The following DDR2 variants were observed in gnomAD, a reference collection of about 807,000 sequenced individuals.
The protein encoded by DDR2 is discoidin domain receptor tyrosine kinase 2.
A neutral mutation model predicts 94.9 loss-of-function variants in DDR2; 27 were observed. That is an observed-to-expected ratio of 0.28 (90% CI 0.21 to 0.39). The LOEUF (loss-of-function observed/expected upper bound fraction) is 0.39. Among genes scored for constraint, DDR2 ranks in the 10% least tolerant of loss-of-function variants. DDR2 has a pLI of 1.00. For synonymous variants in DDR2, 382 were observed against 377.2 expected, an observed-to-expected ratio of 1.01 and a Z score of -0.15; for missense variants, 783 against 1,076.0, an observed-to-expected ratio of 0.73 and a Z score of 3.81.
chr1:162,765,912 T>G, intron 9 of DDR2, 89 bp from the exon 10 acceptor site: 1 of 1,159,626 alleles, frequency 8.6e-7, no homozygotes. Context: ...AAATTGATCT[T>G]GTAATGTGCT....
At chr1:162,759,674 A>G in intron 7 of DDR2, 122 bp from the exon 8 acceptor site, 2 of 1,130,574 alleles carry the variant, frequency 1.8e-6, no homozygotes, top group South Asian at 1.4e-5. Context: ...CAATCCTTCA[A>G]TTCCAAGATA....
chr1:162,736,996 A>G (rs564224053), intron 3 of DDR2, among the ~76,000 whole-genome samples: 1 of 152,280 alleles, frequency 6.6e-6, no homozygotes, highest in South Asian at 2.1e-4. Context: ...TGAACAGAAG[A>G]GTTTCATGAT....
intron 2 of DDR2, among the ~76,000 whole-genome samples, chr1:162,678,002 C>T (rs1659220882): frequency 6.6e-6 from 1 of 151,852 alleles, no homozygotes; most frequent in African/African-American, 2.4e-5. Context: ...AGAATTTGGG[C>T]AACTTGTAGG....
intron 10 of DDR2, among the ~76,000 whole-genome samples, 170 bp downstream of exon 10, chr1:162,766,233 A>G (rs1663982320): frequency 6.6e-6 from 1 of 152,132 alleles, no homozygotes; most frequent in Non-Finnish European, 1.5e-5. Context: ...TATGGATCCA[A>G]ATATACTCTC....
At chr1:162,750,401 C>T (rs1663125838) in intron 3 of DDR2, among the ~76,000 whole-genome samples, 1 of 152,116 alleles carries the variant, frequency 6.6e-6, no homozygotes, top group South Asian at 2.1e-4. Context: ...ACAATTGCTT[C>T]AAAGAGAATA....
chr1:162,706,880 C>A (rs78867170), intron 2 of DDR2, among the ~76,000 whole-genome samples: 1 of 152,096 alleles, frequency 6.6e-6, no homozygotes, highest in African/African-American at 2.4e-5. Context: ...AGAGAATGTC[C>A]GGCCAGCAAT....
rs188261305 is a variant in DDR2, at chr1:162,705,731, G to T, written c.-27-13306G>T. Among the ~76,000 whole-genome samples the T allele has an allele frequency of 1.3e-5, 2 of 152,250 alleles. 1 individual carries two copies. The highest frequency in any genetic ancestry group is 3.9e-4 in the East Asian group (2 of 5,158). ...CCTGGGGTGATGAGTGGCAGATCTG[G>T]GACTAGAACTCAGGCCCAGAGGCCA... On this transcript the variant is annotated intron_variant, in intron 2 of 17. Transcript: ENST00000367921.
At chr1:162,705,786 T>C (rs1660633584) in intron 2 of DDR2, among the ~76,000 whole-genome samples, 1 of 152,210 alleles carries the variant, frequency 6.6e-6, no homozygotes. Flanking sequence ...AGTTTCTGCT[T>C]CTGTTCTCTT....
intron 2 of DDR2, among the ~76,000 whole-genome samples, chr1:162,664,954 A>G (rs1658478043): frequency 6.6e-6 from 1 of 152,216 alleles, no homozygotes; most frequent in Non-Finnish European, 1.5e-5. Context: ...TCCTGGGGAT[A>G]AAAAATGGTA....
intron 3 of DDR2, among the ~76,000 whole-genome samples, chr1:162,740,879 G>A (rs1662552983): frequency 6.6e-6 from 1 of 152,152 alleles, no homozygotes; most frequent in African/African-American, 2.4e-5. Context: ...AGAGAGAGAA[G>A]ACACTAGAGA....
At chr1:162,644,798 G>C (rs1242439426) in intron 1 of DDR2, among the ~76,000 whole-genome samples, 1 of 152,060 alleles carries the variant, frequency 6.6e-6, no homozygotes, top group Non-Finnish European at 1.5e-5. Flanking sequence ...GTTTCACTCT[G>C]TTGGCCAGGC....
At chr1:162,740,537 C>G (rs931571252) in intron 3 of DDR2, among the ~76,000 whole-genome samples, 1 of 152,206 alleles carries the variant, frequency 6.6e-6, no homozygotes, top group African/African-American at 2.4e-5. Context: ...ACTCAGGTCT[C>G]TGCTCCGAGT....
chr1:162,695,127 G>A (rs1660128889), intron 2 of DDR2, among the ~76,000 whole-genome samples: 1 of 152,194 alleles, frequency 6.6e-6, no homozygotes, highest in Non-Finnish European at 1.5e-5. Context: ...TTTTTGATGT[G>A]CTAGGTGGAC....
At chr1:162,775,963 G>T in intron 15 of DDR2, 120 bp downstream of exon 15, 1 of 1,433,378 alleles carries the variant, frequency 7.0e-7, no homozygotes, top group South Asian at 1.2e-5. Flanking sequence ...GGAAGTCAGT[G>T]TGCAGGGAAT....
chr1:162,676,858 A>G (rs1351085750), intron 2 of DDR2, among the ~76,000 whole-genome samples: 2 of 152,228 alleles, frequency 1.3e-5, no homozygotes, highest in African/African-American at 2.4e-5. Context: ...ACAGGAACTC[A>G]AAGCCTGGGC....
intron 3 of DDR2, among the ~76,000 whole-genome samples, chr1:162,723,541 G>A (rs1401767900): frequency 1.3e-5 from 2 of 152,160 alleles, no homozygotes; most frequent in African/African-American, 4.8e-5. Context: ...GTAGGAGGAT[G>A]AATAGAACTA....
intron 2 of DDR2, among the ~76,000 whole-genome samples, chr1:162,696,445 G>C (rs1660195742): frequency 6.6e-6 from 1 of 151,740 alleles, no homozygotes; most frequent in African/African-American, 2.4e-5. Flanking sequence ...CTGGCTGAGG[G>C]TGTGTTTGTT....
At chr1:162,640,476 A>G (rs911460508) in intron 1 of DDR2, among the ~76,000 whole-genome samples, 2 of 152,184 alleles carry the variant, frequency 1.3e-5, no homozygotes, top group Admixed American at 6.5e-5. Flanking sequence ...TATGGGAACA[A>G]TCTGTACTTT....
intron 2 of DDR2, among the ~76,000 whole-genome samples, chr1:162,681,978 C>T (rs1360101832): frequency 6.6e-6 from 1 of 152,010 alleles, no homozygotes; most frequent in Non-Finnish European, 1.5e-5. Flanking sequence ...ATTTTGGGTC[C>T]CTCTTGGAAC....
Sources: allele counts gnomAD v4.1 joint callset (sites outside exome capture counted in the v4.1 genomes callset), GRCh38; gene constraint gnomAD v4.1.1; transcripts MANE v1.5; gene names NCBI Gene and HGNC (gene_info 2026-07-23, HGNC 2026-07-21).